Variants in RARB observed in about 807,000 individuals in gnomAD.
RARB encodes HBV-activated protein.
RARB carries 17 observed loss-of-function variants against 51.9 expected under a neutral mutation model. The ratio of observed to expected loss-of-function variants is 0.33; its 90% confidence interval spans 0.22 to 0.49. The LOEUF (loss-of-function observed/expected upper bound fraction) is 0.49, where lower values mean the gene tolerates loss of function less well. RARB is among the 20% of genes least tolerant of loss of function. The pLI is 0.99. For synonymous variants in RARB, 215 were observed against 195.4 expected, an observed-to-expected ratio of 1.10 and a Z score of -0.84; for missense variants, 369 against 550.8, an observed-to-expected ratio of 0.67 and a Z score of 3.30.
intron 2 of RARB, among the ~76,000 whole-genome samples, chr3:25,494,659 G>T (rs1371117013): frequency 6.6e-6 from 1 of 152,146 alleles, no homozygotes. Context: ...CTCCAAGAAA[G>T]CTTACCACAT....
At chr3:25,080,985 ATTAAT>A (rs1028001376) in intron 3 of RARB, among the ~76,000 whole-genome samples, 2 of 151,846 alleles carry the variant, frequency 1.3e-5, no homozygotes, top group African/African-American at 4.8e-5. Context: ...TTGCCTTTTT[ATTAAT>A]TTCTGATCTG....
chr3:24,965,836 G>GA (rs1346373613), intron 2 of RARB, among the ~76,000 whole-genome samples: 5 of 151,874 alleles, frequency 3.3e-5, no homozygotes, highest in Non-Finnish European at 4.4e-5. Context: ...TGACCCTCCA[G>GA]AAAAAAATAA....
At chr3:24,861,493 C>G (rs1575040413) in intron 2 of RARB, among the ~76,000 whole-genome samples, 2 of 150,446 alleles carry the variant, frequency 1.3e-5, no homozygotes, top group Admixed American at 1.3e-4. Context: ...TCTATGTATA[C>G]AGTTATGCCT....
At chr3:24,837,858 A>G (rs923962536) in intron 1 of RARB, among the ~76,000 whole-genome samples, 1 of 152,208 alleles carries the variant, frequency 6.6e-6, no homozygotes, top group Non-Finnish European at 1.5e-5. Context: ...TGAAGCCTGT[A>G]TTAGTTTTCT....
At chr3:25,379,361 A>G (rs1706559506) in intron 5 of RARB, among the ~76,000 whole-genome samples, 1 of 152,332 alleles carries the variant, frequency 6.6e-6, no homozygotes, top group East Asian at 1.9e-4. Context: ...AAAAATTACT[A>G]GACTCACACT....
intron 1 of RARB, among the ~76,000 whole-genome samples, chr3:24,851,948 T>C (rs1702565043): frequency 6.6e-6 from 1 of 152,204 alleles, no homozygotes; most frequent in South Asian, 2.1e-4. Context: ...ATCTTGGCCA[T>C]GAGTAGTAAG....
chr3:25,204,230 A>G (rs199540655), intron 5 of RARB, among the ~76,000 whole-genome samples: 4 of 152,244 alleles, frequency 2.6e-5, no homozygotes, highest in South Asian at 4.1e-4. Flanking sequence ...CAGCTACTGA[A>G]GCTTGTGCAT....
chr3:25,051,939 C>G (rs1421292249), intron 2 of RARB, among the ~76,000 whole-genome samples: 1 of 152,176 alleles, frequency 6.6e-6, no homozygotes, highest in Admixed American at 6.5e-5. Flanking sequence ...ACCAATTTCT[C>G]TAACCCTCTC....
At chr3:25,249,729 G>C (rs1559331305) in intron 5 of RARB, among the ~76,000 whole-genome samples, 1 of 134,456 alleles carries the variant, frequency 7.4e-6, no homozygotes, top group South Asian at 2.3e-4. Flanking sequence ...AGTAGTGTCT[G>C]TGATTTCCTT....
At chr3:24,913,274 G>A (rs138287624) in intron 2 of RARB, among the ~76,000 whole-genome samples, 7,562 of 151,902 alleles carry the variant, frequency 0.05, 414 homozygotes, top group East Asian at 0.26. Context: ...GTGAGCCACC[G>A]CGCCCAGCCG....
intron 5 of RARB, among the ~76,000 whole-genome samples, chr3:25,336,774 G>A (rs1019926470): frequency 3.9e-5 from 6 of 152,254 alleles, no homozygotes; most frequent in African/African-American, 1.4e-4. Context: ...AATACCGGGA[G>A]AATTGGGGTT....
intron 2 of RARB, among the ~76,000 whole-genome samples, chr3:24,886,867 C>A (rs1057231716): frequency 3.3e-5 from 5 of 152,202 alleles, no homozygotes; most frequent in Non-Finnish European, 7.3e-5. Context: ...CTATATTAAG[C>A]TTTTAGGGTC....
chr3:25,528,150 A>G (rs1698735596), intron 3 of RARB, among the ~76,000 whole-genome samples: 4 of 152,198 alleles, frequency 2.6e-5, no homozygotes, highest in Admixed American at 2.6e-4. Flanking sequence ...ACTTGAAGCC[A>G]AGCCTCGAGT....
intron 5 of RARB, among the ~76,000 whole-genome samples, chr3:25,222,172 C>G (rs1026868576): frequency 6.6e-6 from 1 of 152,150 alleles, no homozygotes; most frequent in Non-Finnish European, 1.5e-5. Context: ...GGCAGGACTA[C>G]CCAGTGCAGA....
At chr3:25,423,234 C>A (rs545228317) in intron 5 of RARB, among the ~76,000 whole-genome samples, 1 of 152,300 alleles carries the variant, frequency 6.6e-6, no homozygotes, top group East Asian at 1.9e-4. Flanking sequence ...AGAATTTTAT[C>A]CAGCAGACGT....
Position 25,337,903 on chromosome 3 carries a change from T to C in RARB, c.179-123290T>C, listed in dbSNP as rs544983859. ...ACTCAATAAATATTTGTTGGATTAATAAATTAATGAATTTAGTTGAACTAA... is the reference window on the plus strand; with the variant it reads ...ACTCAATAAATATTTGTTGGATTAACAAATTAATGAATTTAGTTGAACTAA... On this transcript the variant is annotated intron_variant, in intron 5 of 11. Coordinates refer to the RARB transcript ENST00000383772. Among the ~76,000 whole-genome samples the C allele has an allele frequency of 4.7e-4, 72 of 152,322 alleles. No individual in the cohort carries two copies. In the Middle Eastern group the frequency reaches 0.01, roughly 22 times the overall value.
intron 3 of RARB, among the ~76,000 whole-genome samples, chr3:25,560,861 T>C (rs1383050674): frequency 6.6e-6 from 1 of 152,228 alleles, no homozygotes; most frequent in Non-Finnish European, 1.5e-5. Flanking sequence ...ATGCTTTATT[T>C]GACTCTGTTT....
chr3:25,419,282 C>G (rs1117721), intron 5 of RARB, among the ~76,000 whole-genome samples: 143,485 of 152,152 alleles, frequency 0.94, 67,711 homozygotes, highest in Non-Finnish European at 0.96. Flanking sequence ...AGGGGAAACT[C>G]AGAGTGACCT....
intron 2 of RARB, among the ~76,000 whole-genome samples, chr3:24,944,909 G>T (rs1425700875): frequency 6.6e-6 from 1 of 152,160 alleles, no homozygotes; most frequent in East Asian, 1.9e-4. Context: ...TGAAGGTTCA[G>T]TAACATTAAG....
Sources: gnomAD v4.1 joint callset for allele counts (sites outside exome capture counted in the v4.1 genomes callset) on GRCh38, gnomAD v4.1.1 for gene constraint, MANE v1.5 for transcripts, NCBI Gene and HGNC (gene_info 2026-07-23, HGNC 2026-07-21) for gene names.